Variants in DMD observed in about 807,000 individuals in gnomAD.
DMD encodes dystrophin, also known as mutant dystrophin.
Under a neutral mutation model 330.1 loss-of-function variants are expected in DMD, and 63 were observed. The ratio of observed to expected loss-of-function variants is 0.19; its 90% CI spans 0.16 to 0.24. DMD has a LOEUF of 0.24. Ranked by LOEUF, DMD falls within the 10% of genes least tolerant of loss-of-function variation. DMD has a pLI of 1.00. For synonymous variants in DMD, 1,223 were observed against 959.8 expected (o/e 1.27, Z -5.07); for missense variants, 3,344 against 2,684.1 (o/e 1.25, Z -5.43).
chrX:32,356,816 A>T (rs748355754), intron 37 of DMD, among the ~76,000 whole-genome samples: 1 of 112,301 alleles, frequency 8.9e-6, no homozygotes, highest in East Asian at 2.8e-4. Flanking sequence ...AAGTTTGTTT[A>T]GTCAAAATTA....
chrX:31,452,209 C>T (rs2065808667), intron 59 of DMD, among the ~76,000 whole-genome samples: 1 of 91,835 alleles, frequency 1.1e-5, no homozygotes. Context: ...TCAGACTCAA[C>T]ACGCTTCCAA....
intron 50 of DMD, among the ~76,000 whole-genome samples, chrX:31,798,354 A>G (rs923312693): frequency 3.6e-5 from 4 of 110,763 alleles, no homozygotes; most frequent in Non-Finnish European, 7.5e-5. Flanking sequence ...TCAAGCACTG[A>G]CATCAAAATC....
Position 32,164,599 on chromosome X carries a change from G to C in DMD, c.6438+52317C>G, listed in dbSNP as rs142831712. Among the ~76,000 whole-genome samples the C allele has an allele frequency of 1.2e-4, 13 of 111,789 alleles. No individual in the cohort carries two copies. The East Asian group carries it at 3.7e-3, about 32-fold the overall frequency. ...TAAAAGTTTGAAAAATTTGCAACCT[G>C]ACAATGCAGTAGAAAAGAAAAACCC... is the stretch of plus-strand genomic sequence containing the variant. On this transcript the variant is annotated intron_variant, in intron 44 of 78. Coordinates refer to ENST00000357033, the MANE Select transcript of DMD (RefSeq NM_004006.3).
intron 44 of DMD, among the ~76,000 whole-genome samples, chrX:32,076,376 TTTC>T (rs1461468569): frequency 3.2e-5 from 3 of 94,541 alleles, no homozygotes; most frequent in African/African-American, 1.4e-4. Context: ...TCTTTTTTTC[TTTC>T]TTTCTTTTTT....
intron 13 of DMD, among the ~76,000 whole-genome samples, chrX:32,582,596 T>C (rs1346354561): frequency 9.0e-6 from 1 of 111,687 alleles, no homozygotes; most frequent in East Asian, 2.8e-4. Context: ...CAGCAGATTC[T>C]TTTTGGGGGC....
At chrX:32,338,855 T>C (rs925544646) in intron 41 of DMD, among the ~76,000 whole-genome samples, 1 of 111,777 alleles carries the variant, frequency 8.9e-6, no homozygotes, top group Non-Finnish European at 1.9e-5. Context: ...ATTTGTGTGA[T>C]ATTTCCTGTG....
At chrX:32,592,620 G>A (rs747868535) in intron 13 of DMD, among the ~76,000 whole-genome samples, 3 of 112,068 alleles carry the variant, frequency 2.7e-5, no homozygotes, top group Non-Finnish European at 3.8e-5. Flanking sequence ...TCCTGGACAT[G>A]GGACAAGAAC....
chrX:32,696,950 A>G (rs185022776), intron 9 of DMD, among the ~76,000 whole-genome samples: 11 of 111,405 alleles, frequency 9.9e-5, no homozygotes, highest in Admixed American at 7.7e-4. Flanking sequence ...TAAATTACTA[A>G]TTAAATGCAC....
intron 55 of DMD, among the ~76,000 whole-genome samples, chrX:31,567,729 A>G (rs1487569577): frequency 9.2e-6 from 1 of 108,194 alleles, no homozygotes; most frequent in African/African-American, 3.4e-5. Context: ...ATGACATCTC[A>G]CTTTATTTTT....
chrX:33,114,508 A>T (rs2095366795), intron 1 of DMD, among the ~76,000 whole-genome samples: 1 of 111,548 alleles, frequency 9.0e-6, no homozygotes, highest in Non-Finnish European at 1.9e-5. Flanking sequence ...TTGTATTTCC[A>T]TTTATAGTAA....
At chrX:33,093,987 T>C (rs1181344982) in intron 1 of DMD, among the ~76,000 whole-genome samples, 4 of 111,666 alleles carry the variant, frequency 3.6e-5, no homozygotes, top group Non-Finnish European at 7.5e-5. Context: ...AAATTTGCCA[T>C]GAGTTTATAC....
At chrX:31,189,646 T>C (rs2042126368) in intron 67 of DMD, among the ~76,000 whole-genome samples, 1 of 111,970 alleles carries the variant, frequency 8.9e-6, no homozygotes, top group Admixed American at 9.5e-5. Context: ...CTTTCCTAAA[T>C]TGCAGATTAA....
intron 1 of DMD, among the ~76,000 whole-genome samples, chrX:33,073,279 T>C (rs112250338): frequency 0.034 from 3,801 of 111,712 alleles, 167 homozygotes; most frequent in African/African-American, 0.12. Flanking sequence ...CTATTATCAA[T>C]AATAATAGTT....
At chrX:31,392,221 A>G (rs1473217424) in intron 60 of DMD, among the ~76,000 whole-genome samples, 2 of 112,189 alleles carry the variant, frequency 1.8e-5, no homozygotes, top group Non-Finnish European at 3.8e-5. Flanking sequence ...GGAGTGTGGC[A>G]GCCATTTTAT....
rs190797691 is a variant in DMD at position 32,573,020 on chromosome X, G to A, written c.1812+510C>T. Among the ~76,000 whole-genome samples the A allele has an allele frequency of 3.6e-3, 401 of 111,549 alleles. 2 individuals carry two copies. Among genetic ancestry groups the A allele is most frequent in the Middle Eastern group, 0.028 (6 of 215 alleles). ...AAGCTTCCTGAGGCACTTACCAGGA[G>A]CAGATGCTGGTGTCATGCTTCTTGT... is the stretch of plus-strand genomic sequence containing the variant. On this transcript the variant is annotated intron_variant, in intron 15 of 78. Coordinates refer to ENST00000357033, the MANE Select transcript of DMD (RefSeq NM_004006.3).
intron 41 of DMD, among the ~76,000 whole-genome samples, chrX:32,322,822 C>A (rs1039831410): frequency 9.0e-6 from 1 of 111,710 alleles, no homozygotes; most frequent in Non-Finnish European, 1.9e-5. Context: ...TCATAACCTA[C>A]AGAGACTACT....
chrX:31,707,785 T>G (rs1040688287), intron 52 of DMD, among the ~76,000 whole-genome samples: 1 of 111,283 alleles, frequency 9.0e-6, no homozygotes, highest in Non-Finnish European at 1.9e-5. Context: ...TTTGCAAGCT[T>G]TCAGTTCACC....
chrX:33,097,583 A>C (rs1051277701), intron 1 of DMD, among the ~76,000 whole-genome samples: 1 of 108,140 alleles, frequency 9.2e-6, no homozygotes, highest in East Asian at 2.9e-4. Context: ...ATGTGTGTCC[A>C]AAACAGTATT....
At chrX:32,886,153 T>A (rs1457416655) in intron 2 of DMD, among the ~76,000 whole-genome samples, 1 of 111,012 alleles carries the variant, frequency 9.0e-6, no homozygotes, top group Admixed American at 9.7e-5. Context: ...GCTCATGAAG[T>A]CAGTATTATT....
Sources: gnomAD v4.1 joint callset for allele counts (sites outside exome capture counted in the v4.1 genomes callset) on GRCh38, gnomAD v4.1.1 for gene constraint, MANE v1.5 for transcripts, NCBI Gene and HGNC (gene_info 2026-07-23, HGNC 2026-07-21) for gene names.